KCTD3: variants seen among roughly 807,000 people sequenced by gnomAD.
KCTD3 encodes potassium channel tetramerization domain containing 3.
KCTD3 carries 41 observed loss-of-function variants against 85.8 expected under a neutral mutation model. The ratio of observed to expected loss-of-function variants is 0.48; its 90% CI spans 0.37 to 0.62. KCTD3 has a LOEUF of 0.62. KCTD3 is among the 20% of genes least tolerant of loss of function. The pLI, the probability that KCTD3 is intolerant of heterozygous loss-of-function variation, is 0.00. For missense variants in KCTD3, 724 were observed against 989.9 expected (o/e 0.73, Z 3.60); for synonymous variants, 338 against 345.4 (o/e 0.98, Z 0.24).
At chr1:215,590,757 T>C (rs1020150029) in intron 9 of KCTD3, among the ~76,000 whole-genome samples, 3 of 152,224 alleles carry the variant, frequency 2.0e-5, no homozygotes, top group Admixed American at 2.0e-4. Context: ...AGCTGTTTAA[T>C]TTGTTAAAGT....
At chr1:215,600,725 A>T (rs1029019753) in intron 10 of KCTD3, among the ~76,000 whole-genome samples, 2 of 152,226 alleles carry the variant, frequency 1.3e-5, no homozygotes, top group Non-Finnish European at 2.9e-5. Flanking sequence ...GGTATAGTAT[A>T]TGAAAAGTAA....
At chr1:215,609,500 G>C (rs942006576) in intron 14 of KCTD3, among the ~76,000 whole-genome samples, 4 of 151,912 alleles carry the variant, frequency 2.6e-5, no homozygotes, top group Admixed American at 2.0e-4. Flanking sequence ...AAGTAATGGA[G>C]ACCTTTTGAA....
intron 9 of KCTD3, among the ~76,000 whole-genome samples, chr1:215,587,753 T>A (rs1019591295): frequency 1.3e-5 from 2 of 152,264 alleles, no homozygotes; most frequent in African/African-American, 4.8e-5. Context: ...CATAGTCTTC[T>A]TTGATTCTTT....
intron 1 of KCTD3, among the ~76,000 whole-genome samples, chr1:215,568,157 G>A (rs1659215465): frequency 1.3e-5 from 2 of 152,172 alleles, no homozygotes; most frequent in African/African-American, 4.8e-5. Flanking sequence ...GGATGTTGGA[G>A]ATGAACTTGC....
At chr1:215,615,254 A>G (rs1006364279) in intron 15 of KCTD3, among the ~76,000 whole-genome samples, 1 of 152,198 alleles carries the variant, frequency 6.6e-6, no homozygotes, top group Non-Finnish European at 1.5e-5. Flanking sequence ...GTGAGAAGTG[A>G]AATGAAAGGG....
chr1:215,608,859 G>A (rs1184258151), intron 14 of KCTD3, among the ~76,000 whole-genome samples: 1 of 151,962 alleles, frequency 6.6e-6, no homozygotes, highest in Non-Finnish European at 1.5e-5. Flanking sequence ...GAAATATGCA[G>A]TGTTACCAGT....
chr1:215,603,192 A>C (rs1654897909), intron 12 of KCTD3, among the ~76,000 whole-genome samples: 1 of 152,186 alleles, frequency 6.6e-6, no homozygotes, highest in Admixed American at 6.5e-5. Context: ...TAAAACTGGG[A>C]AAGTTTTACA....
intron 8 of KCTD3, among the ~76,000 whole-genome samples, chr1:215,585,468 G>T (rs1659973266): frequency 6.6e-6 from 1 of 152,108 alleles, no homozygotes; most frequent in African/African-American, 2.4e-5. Flanking sequence ...AGGCCCTTAG[G>T]TGACCATCAT....
chr1:215,609,686 G>A (rs1655158645), intron 14 of KCTD3, among the ~76,000 whole-genome samples: 1 of 151,914 alleles, frequency 6.6e-6, no homozygotes, highest in Non-Finnish European at 1.5e-5. Context: ...AGAGAGGAAG[G>A]AGTCTAAAGT....
chr1:215,590,344 A>G (rs1660162551), intron 9 of KCTD3, among the ~76,000 whole-genome samples: 1 of 152,176 alleles, frequency 6.6e-6, no homozygotes, highest in Admixed American at 6.5e-5. Flanking sequence ...TTCACAACCA[A>G]GGAAATCTTA....
rs751372529 is a variant in KCTD3, at chr1:215,578,094, T to C, written c.397+13T>C. 12 of 1,603,094 alleles carry C rather than the reference T, an allele frequency of 7.5e-6. No homozygotes were observed. In the South Asian group the frequency reaches 1.1e-4, roughly 15 times the overall value. Reference sequence around the variant, plus strand: ...TTGCCCCCACCAGGTATTTTCACTTTATTAAATCTTTTAAAAAATTCCTTG... The same window carrying C: ...TTGCCCCCACCAGGTATTTTCACTTCATTAAATCTTTTAAAAAATTCCTTG... On this transcript the variant is annotated intron_variant, in intron 6 of 17. Coordinates refer to ENST00000259154, the MANE Select transcript of KCTD3 (RefSeq NM_016121.5).
chr1:215,587,686 A>G (rs560209440), intron 9 of KCTD3, among the ~76,000 whole-genome samples: 1 of 152,318 alleles, frequency 6.6e-6, no homozygotes, highest in Admixed American at 6.5e-5. Flanking sequence ...AGAAAACTTG[A>G]TCTTACACAG....
At chr1:215,606,876 G>A (rs1342802) in intron 13 of KCTD3, among the ~76,000 whole-genome samples, 11 of 151,952 alleles carry the variant, frequency 7.2e-5, no homozygotes, top group South Asian at 4.2e-4. Flanking sequence ...CAAAATTGAC[G>A]TAATTGTCCA....
chr1:215,613,884 T>TGTTTTG (rs1343465222), intron 15 of KCTD3, among the ~76,000 whole-genome samples: 2 of 152,112 alleles, frequency 1.3e-5, no homozygotes, highest in African/African-American at 4.8e-5. Flanking sequence ...GGTACCATGC[T>TGTTTTG]GTTTTGGTTA....
chr1:215,601,560 G>A lies in KCTD3; in HGVS notation c.934-307G>A, dbSNP rs111659220. On this transcript the variant is annotated intron_variant, in intron 10 of 17. Coordinates refer to ENST00000259154, the MANE Select transcript of KCTD3 (RefSeq NM_016121.5). ...CTCGGCCTTCCAGTTCTAGTGGGCT[G>A]CAATCTAGTGATCACATGCAAAAAA... 1.8e-3 allele frequency among the ~76,000 whole-genome samples: 267 copies of A among 152,226 alleles called. 3 individuals are homozygous for A. Among genetic ancestry groups the A allele is most frequent in the African/African-American group, 6.0e-3 (248 of 41,524 alleles).
chr1:215,608,041 G>A lies in KCTD3; in HGVS notation c.1334G>A (p.Arg445Gln). The A allele has an allele frequency of 1.9e-6, 3 of 1,609,542 alleles. No homozygotes were observed. The highest frequency in any genetic ancestry group is 2.2e-5 in the East Asian group (1 of 44,714). ...VSVCADNNHVRTWTVTRFRGM... is the reference protein window; with the variant it reads ...VSVCADNNHVQTWTVTRFRGM... The stretch of plus-strand genomic sequence containing the variant: ...GTCTGTGCAGATAATAATCATGTCC[G>A]GACGTGGACAGTAACACGATTCAGA... The change falls in exon 14 of 18, where the codon CGG (arginine) becomes CAG (glutamine). Residue 445 changes from arginine (R) to glutamine (Q), a missense_variant. By Grantham distance (43) the Arg-to-Gln change is conservative (BLOSUM62 1). Coordinates refer to ENST00000259154, the MANE Select transcript of KCTD3 (RefSeq NM_016121.5).
At chr1:215,617,042 TG>T (rs1221319054) in intron 15 of KCTD3, among the ~76,000 whole-genome samples, 11 of 152,152 alleles carry the variant, frequency 7.2e-5, no homozygotes, top group African/African-American at 2.7e-4. Flanking sequence ...GCCTATATAA[TG>T]GAGCCATTAT....
intron 15 of KCTD3, among the ~76,000 whole-genome samples, chr1:215,616,899 A>G (rs1248808200): frequency 6.6e-6 from 1 of 152,224 alleles, no homozygotes; most frequent in African/African-American, 2.4e-5. Context: ...CAATGAGTTG[A>G]CTGATGGCAG....
At chr1:215,604,972 A>G (rs1034646826) in intron 13 of KCTD3, among the ~76,000 whole-genome samples, 2 of 152,096 alleles carry the variant, frequency 1.3e-5, no homozygotes, top group Non-Finnish European at 2.9e-5. Context: ...CTAATTTTCA[A>G]GTTTAACGAA....
Sources: allele counts gnomAD v4.1 joint callset (sites outside exome capture counted in the v4.1 genomes callset), GRCh38; gene constraint gnomAD v4.1.1; transcripts MANE v1.5; gene names NCBI Gene and HGNC (gene_info 2026-07-23, HGNC 2026-07-21).